CNEP1R1: variants seen among roughly 807,000 people sequenced by gnomAD.
CNEP1R1 encodes CTD nuclear envelope phosphatase 1 regulatory subunit 1, also known as nuclear envelope phosphatase-regulatory subunit 1.
Under a neutral mutation model 22.7 loss-of-function variants are expected in CNEP1R1, and 10 were observed. The observed-to-expected ratio is 0.44, with a 90% CI of 0.27 to 0.75. The LOEUF (loss-of-function observed/expected upper bound fraction) is 0.75, where lower values mean the gene tolerates loss of function less well. CNEP1R1 is among the 30% of genes least tolerant of loss of function. The probability of loss-of-function intolerance (pLI) is 0.17; values close to 1 mark genes in which losing one functional copy is unlikely to be tolerated. For synonymous variants in CNEP1R1, 53 were observed against 50.1 expected, an observed-to-expected ratio of 1.06 and a Z score of -0.25; for missense variants, 73 against 151.5, an observed-to-expected ratio of 0.48 and a Z score of 2.72.
chr16:50,029,640 G>A (rs2036215207), intron 2 of CNEP1R1, 85 bp from the exon 3 acceptor site: 1 of 774,550 alleles, frequency 1.3e-6, no homozygotes, highest in South Asian at 1.6e-5. Flanking sequence ...ATATTCTTTG[G>A]TTGTCATTTA....
intron 3 of CNEP1R1, among the ~76,000 whole-genome samples, 155 bp from the exon 4 acceptor site, chr16:50,033,242 G>A (rs891467826): frequency 4.6e-5 from 7 of 152,060 alleles, no homozygotes; most frequent in Admixed American, 6.5e-5. Flanking sequence ...TTTTTACAAC[G>A]CAGCAATACA....
rs924241630 is a variant in CNEP1R1 at position 50,025,300 on chromosome 16, C to A, written c.-16C>A. On this transcript the variant is annotated 5_prime_UTR_variant, in exon 1 of 6. Coordinates refer to ENST00000427478, the MANE Select transcript of CNEP1R1 (RefSeq NM_001281789.2). ...TGCGGACAGGGCAGCGGCGGTGACC[C>A]GAGCTGCCGCCCGACATGAACTCGC... 9.1e-6 allele frequency: 13 copies of A among 1,428,270 alleles called. No homozygotes were observed. In the African/African-American group the frequency reaches 1.9e-4, roughly 21 times the overall value. The allele number at this position is 1,428,270 out of a possible 1,614,324, so 88.5% of individuals were successfully genotyped here.
At chr16:50,027,540 G>A (rs2036196634) in intron 2 of CNEP1R1, among the ~76,000 whole-genome samples, 1 of 151,346 alleles carries the variant, frequency 6.6e-6, no homozygotes, top group Non-Finnish European at 1.5e-5. Flanking sequence ...AGCCAGGCAT[G>A]GTGGCACACC....
In CNEP1R1 at chr16:50,036,161, A is replaced by G. The variant is rs1358230097; in HGVS notation, c.*703A>G. The G allele has an allele frequency of 5.9e-5, 8 of 136,546 alleles. No individual in the cohort carries two copies. In the East Asian group the frequency reaches 1.6e-3, roughly 28 times the overall value. The allele number at this position is 136,546 out of a possible 1,614,324, so 8.5% of individuals were successfully genotyped here. A position where few individuals can be genotyped will look rare whatever the true frequency, so the allele number is the denominator to read the frequency against. On this transcript the variant is annotated 3_prime_UTR_variant, in exon 6 of 6. Coordinates refer to ENST00000427478, the MANE Select transcript of CNEP1R1 (RefSeq NM_001281789.2). ...TTCTTTTTTTTTTTTTTTTTTTTAG[A>G]CGGAGTCTCGCTCTGTTGCCAGGCT...
At chr16:50,027,325 C>T (rs1309487461) in intron 2 of CNEP1R1, among the ~76,000 whole-genome samples, 1 of 151,734 alleles carries the variant, frequency 6.6e-6, no homozygotes, top group African/African-American at 2.4e-5. Context: ...CTGGCTAATA[C>T]GGTGAAACCC....
Position 50,035,401 on chromosome 16 carries a change from C to A in CNEP1R1, c.337-16C>A, listed in dbSNP as rs2041918. 2.0e-6 allele frequency: 3 copies of A among 1,498,596 alleles called. No homozygotes were observed. The highest frequency in any genetic ancestry group is 1.4e-5 in the African/African-American group (1 of 73,072). 92.8% of individuals were successfully genotyped at this position (1,498,596 alleles called of 1,614,324 possible). On this transcript the variant is annotated splice_polypyrimidine_tract_variant and intron_variant, in intron 5 of 5. Coordinates refer to ENST00000427478, the MANE Select transcript of CNEP1R1 (RefSeq NM_001281789.2). ...GAACTGTGTATTGAAAAAATTCTGT[C>A]TTTTCATTTTTGCAGACAGGAAAAC...
rs2144268582 is a variant in CNEP1R1, at chr16:50,025,279, G to A, written c.-37G>A. The A allele has an allele frequency of 7.1e-7, 1 of 1,407,830 alleles. No homozygotes were observed. Among genetic ancestry groups the A allele is most frequent in the Non-Finnish European group, 9.2e-7 (1 of 1,086,976 alleles). 87.2% of individuals were successfully genotyped at this position (1,407,830 alleles called of 1,614,324 possible). ...CGGGGGCCGCGGAAGCTGCGATGCG[G>A]ACAGGGCAGCGGCGGTGACCCGAGC... On this transcript the variant is annotated 5_prime_UTR_variant, in exon 1 of 6. Coordinates refer to ENST00000427478, the MANE Select transcript of CNEP1R1 (RefSeq NM_001281789.2).
In CNEP1R1 at chr16:50,029,705, T is replaced by G. The variant is rs1443469186; in HGVS notation, c.98-20T>G. 4 of 1,525,656 alleles carry G rather than the reference T, an allele frequency of 2.6e-6. No homozygotes were observed. The highest frequency in any genetic ancestry group is 1.8e-6 in the Non-Finnish European group (2 of 1,104,788). 94.5% of individuals were successfully genotyped at this position (1,525,656 alleles called of 1,614,324 possible). A position where few individuals can be genotyped will look rare whatever the true frequency, so the allele number is the denominator to read the frequency against. Reference sequence around the variant, plus strand: ...TTAAGTATGTATTTGCTTACTAATTTCGTGTTTATCTTTCATCAGTGCTTC... The same window carrying G: ...TTAAGTATGTATTTGCTTACTAATTGCGTGTTTATCTTTCATCAGTGCTTC... On this transcript the variant is annotated intron_variant, in intron 2 of 5. Coordinates refer to ENST00000427478, the MANE Select transcript of CNEP1R1 (RefSeq NM_001281789.2).
intron 2 of CNEP1R1, among the ~76,000 whole-genome samples, chr16:50,028,871 AT>A (rs1222282479): frequency 2.0e-5 from 3 of 151,972 alleles, no homozygotes; most frequent in Non-Finnish European, 4.4e-5. Context: ...CTAAAACAAG[AT>A]TTTTTTTCTT....
chr16:50,030,698 A>T (rs1020334803), intron 3 of CNEP1R1, among the ~76,000 whole-genome samples: 7 of 152,258 alleles, frequency 4.6e-5, no homozygotes, highest in African/African-American at 1.7e-4. Flanking sequence ...ATTATAAATT[A>T]GTCTCTGAGT....
rs2036274104 is a variant in CNEP1R1, at chr16:50,036,017, A to C, written c.*559A>C. 1 of 152,386 alleles carries C rather than the reference A, an allele frequency of 6.6e-6. No individual in the cohort carries two copies. Among genetic ancestry groups the C allele is most frequent in the South Asian group, 2.1e-4 (1 of 4,816 alleles). The allele number at this position is 152,386 out of a possible 1,614,324, so 9.4% of individuals were successfully genotyped here. ...TCCATTATGTTGTAAGAAATTATAG[A>C]TGTTTTGAGAGACACTTTTTGTTAA... On this transcript the variant is annotated 3_prime_UTR_variant, in exon 6 of 6. Coordinates refer to ENST00000427478, the MANE Select transcript of CNEP1R1 (RefSeq NM_001281789.2).
intron 2 of CNEP1R1, among the ~76,000 whole-genome samples, chr16:50,027,155 G>C (rs2036191802): frequency 6.6e-6 from 1 of 152,014 alleles, no homozygotes; most frequent in Non-Finnish European, 1.5e-5. Context: ...TATAATCCCA[G>C]CACTTTGGGA....
intron 2 of CNEP1R1, among the ~76,000 whole-genome samples, chr16:50,027,142 G>A (rs980631625): frequency 2.6e-5 from 4 of 152,140 alleles, no homozygotes; most frequent in Admixed American, 1.3e-4. Context: ...AGTGAGTCAC[G>A]CATATAATCC....
At chr16:50,030,621 A>G (rs1197887075) in intron 3 of CNEP1R1, among the ~76,000 whole-genome samples, 1 of 152,214 alleles carries the variant, frequency 6.6e-6, no homozygotes, top group Non-Finnish European at 1.5e-5. Flanking sequence ...CCATGAGGTC[A>G]AAACCAGAAA....
At chr16:50,027,306 G>A (rs904521115) in intron 2 of CNEP1R1, among the ~76,000 whole-genome samples, 4 of 151,876 alleles carry the variant, frequency 2.6e-5, no homozygotes, top group African/African-American at 9.7e-5. Flanking sequence ...TCAGGAGAGC[G>A]AGACCATCCT....
At chr16:50,030,494 G>C (rs940655695) in intron 3 of CNEP1R1, among the ~76,000 whole-genome samples, 1 of 152,196 alleles carries the variant, frequency 6.6e-6, no homozygotes, top group Non-Finnish European at 1.5e-5. Context: ...AGTTATCTCT[G>C]TTAATACCTT....
intron 1 of CNEP1R1, chr16:50,026,065 A>G: frequency 2.4e-6 from 1 of 418,826 alleles, no homozygotes. Flanking sequence ...CCTGATTTTA[A>G]TTTTATTTGC....
chr16:50,034,281 T>TA (rs1020432381), intron 5 of CNEP1R1, 125 bp downstream of exon 5: 60 of 653,678 alleles, frequency 9.2e-5, no homozygotes, highest in African/African-American at 8.5e-4. Flanking sequence ...AGAATATACT[T>TA]AGAGCATTGA....
chr16:50,028,853 T>C (rs1312886754), intron 2 of CNEP1R1, among the ~76,000 whole-genome samples: 6 of 152,226 alleles, frequency 3.9e-5, no homozygotes, highest in African/African-American at 1.2e-4. Context: ...TTTGATCCTA[T>C]TTAATACCTA....
Sources: allele counts gnomAD v4.1 joint callset (sites outside exome capture counted in the v4.1 genomes callset), GRCh38; gene constraint gnomAD v4.1.1; transcripts MANE v1.5; gene names NCBI Gene and HGNC (gene_info 2026-07-23, HGNC 2026-07-21).